PDE1C: variants seen among roughly 807,000 people sequenced by gnomAD.
The protein encoded by PDE1C is phosphodiesterase 1C, also known as dual specificity calcium/calmodulin-dependent 3',5'-cyclic nucleotide phosphodiesterase 1C.
A neutral mutation model predicts 93.1 loss-of-function variants in PDE1C; 62 were observed. That is an observed-to-expected ratio of 0.67 (90% CI 0.54 to 0.82). PDE1C has a LOEUF of 0.82. PDE1C is among the 40% of genes least tolerant of loss of function. The probability of loss-of-function intolerance (pLI) is 0.00; values close to 1 mark genes in which losing one functional copy is unlikely to be tolerated. For missense variants in PDE1C, 742 were observed against 884.6 expected, an observed-to-expected ratio of 0.84 and a Z score of 2.04; for synonymous variants, 325 against 310.1, an observed-to-expected ratio of 1.05 and a Z score of -0.50.
intron 16 of PDE1C, among the ~76,000 whole-genome samples, chr7:31,783,282 T>C (rs976619846): frequency 6.6e-6 from 1 of 152,172 alleles, no homozygotes; most frequent in Non-Finnish European, 1.5e-5. Flanking sequence ...TGATAACCCA[T>C]TTACTTCATC....
At chr7:31,733,129 G>T in the PDE1C span, among the ~76,000 whole-genome samples, 1 of 152,182 alleles carries the variant, frequency 6.6e-6, no homozygotes, top group Non-Finnish European at 1.5e-5. Context: ...GAGCTAAATG[G>T]ACTTATGGTG....
Position 32,341,736 on chromosome 7 carries a change from C to T in PDE1C, c.310+86086G>A, listed in dbSNP as rs142093442. On this transcript the variant is annotated intron_variant, in intron 1 of 1. Transcript: ENST00000672256. ...CCAAGCAATTAAAAATCCATCAGTG[C>T]GTAACCCTGCAGCACTGAAAACACA... Among the ~76,000 whole-genome samples the T allele has an allele frequency of 3.5e-3, 537 of 152,254 alleles. 4 individuals carry two copies. The highest frequency in any genetic ancestry group is 0.012 in the African/African-American group (510 of 41,540).
intron 1 of PDE1C, among the ~76,000 whole-genome samples, chr7:32,211,962 G>T (rs950808833): frequency 2.0e-5 from 3 of 148,940 alleles, no homozygotes; most frequent in Admixed American, 6.7e-5. Flanking sequence ...GGAGGTTGAG[G>T]CTGCAGTGAG....
At chr7:31,641,395 C>T in the PDE1C span, among the ~76,000 whole-genome samples, 1 of 152,124 alleles carries the variant, frequency 6.6e-6, no homozygotes, top group Non-Finnish European at 1.5e-5. Flanking sequence ...AGGAGGCCAC[C>T]TTGCAACCCC....
the PDE1C span, among the ~76,000 whole-genome samples, chr7:31,628,473 T>C: frequency 2.7e-5 from 4 of 150,084 alleles, no homozygotes; most frequent in African/African-American, 1.0e-4. Flanking sequence ...TTTTTTTTCT[T>C]TTTTTGAGGA....
intron 2 of PDE1C, among the ~76,000 whole-genome samples, chr7:31,983,863 A>G (rs1783021705): frequency 6.6e-6 from 1 of 152,214 alleles, no homozygotes; most frequent in Middle Eastern, 3.2e-3. Context: ...ATCAGATCAC[A>G]TGCAGGGGCT....
intron 1 of PDE1C, among the ~76,000 whole-genome samples, chr7:32,255,890 A>G (rs942869214): frequency 2.0e-5 from 3 of 152,190 alleles, no homozygotes; most frequent in Non-Finnish European, 4.4e-5. Flanking sequence ...ATGGTGAGAA[A>G]TTCCTCATGA....
chr7:31,801,328 A>G (rs183323199), intron 16 of PDE1C, among the ~76,000 whole-genome samples: 136 of 151,586 alleles, frequency 9.0e-4, no homozygotes, highest in African/African-American at 3.2e-3. Flanking sequence ...ATAACATAAT[A>G]CAAACATCCT....
chr7:32,202,607 G>A (rs1475307617), intron 2 of PDE1C, among the ~76,000 whole-genome samples: 3 of 152,162 alleles, frequency 2.0e-5, no homozygotes, highest in Non-Finnish European at 4.4e-5. Context: ...TGATGAAAGG[G>A]GTGGAGAAAT....
chr7:31,677,436 A>T, the PDE1C span, among the ~76,000 whole-genome samples: 3 of 152,196 alleles, frequency 2.0e-5, no homozygotes, highest in Admixed American at 1.3e-4. Context: ...TGGCAAAATT[A>T]AAAAATACTG....
At chr7:32,380,579 C>T (rs906067915) in intron 1 of PDE1C, among the ~76,000 whole-genome samples, 4 of 151,912 alleles carry the variant, frequency 2.6e-5, no homozygotes, top group African/African-American at 9.7e-5. Flanking sequence ...AATTGAGCTT[C>T]CATCCTCCCC....
chr7:32,312,752 T>A (rs1477574855), intron 1 of PDE1C, among the ~76,000 whole-genome samples: 1 of 152,150 alleles, frequency 6.6e-6, no homozygotes, highest in African/African-American at 2.4e-5. Flanking sequence ...CAAAAATTAA[T>A]TCAAAATGGA....
chr7:32,207,460 A>C (rs544597354), intron 2 of PDE1C, among the ~76,000 whole-genome samples: 166 of 152,310 alleles, frequency 1.1e-3, no homozygotes, highest in African/African-American at 3.4e-3. Flanking sequence ...GGTAAAGTGA[A>C]GTAAGCATCA....
chr7:31,813,364 G>T (rs111734232), intron 15 of PDE1C, among the ~76,000 whole-genome samples: 4 of 152,176 alleles, frequency 2.6e-5, no homozygotes, highest in African/African-American at 7.2e-5. Flanking sequence ...GTGCTGGGGT[G>T]GGGGAAAAGT....
chr7:31,779,509 G>C (rs1174640766), intron 16 of PDE1C, among the ~76,000 whole-genome samples: 1 of 152,132 alleles, frequency 6.6e-6, no homozygotes, highest in African/African-American at 2.4e-5. Flanking sequence ...GGAACTCTGG[G>C]AACCTTGAGT....
At chr7:31,685,585 T>C in the PDE1C span, among the ~76,000 whole-genome samples, 1 of 152,186 alleles carries the variant, frequency 6.6e-6, no homozygotes, top group Admixed American at 6.5e-5. Context: ...AGGCTGTTGT[T>C]AAGAAGATAA....
At chr7:32,377,244 G>C (rs1266778462) in intron 1 of PDE1C, among the ~76,000 whole-genome samples, 1 of 152,136 alleles carries the variant, frequency 6.6e-6, no homozygotes, top group Non-Finnish European at 1.5e-5. Context: ...CTCTGGGAAA[G>C]AGTTCAGGAA....
chr7:31,907,070 G>GGTGTGTGTGTGTGTGT (rs55999814), intron 2 of PDE1C, among the ~76,000 whole-genome samples: 8 of 145,206 alleles, frequency 5.5e-5, no homozygotes, highest in Non-Finnish European at 8.9e-5. Context: ...TGATATGTGG[G>GGTGTGTGTGTGTGTGT]GTGTGTGTGT....
At chr7:32,067,394 AAAAT>A (rs1440479029) in intron 1 of PDE1C, among the ~76,000 whole-genome samples, 4 of 152,298 alleles carry the variant, frequency 2.6e-5, no homozygotes, top group Non-Finnish European at 4.4e-5. Flanking sequence ...AATAAACCTA[AAAAT>A]AAATAAACTA....
Sources: allele counts gnomAD v4.1 joint callset (sites outside exome capture counted in the v4.1 genomes callset), GRCh38; gene constraint gnomAD v4.1.1; transcripts MANE v1.5; gene names NCBI Gene and HGNC (gene_info 2026-07-23, HGNC 2026-07-21).